Variants in LRP5 observed in about 807,000 individuals in gnomAD.
LRP5 encodes the protein LDL receptor related protein 5.
A neutral mutation model predicts 154.1 loss-of-function variants in LRP5; 62 were observed. The ratio of observed to expected loss-of-function variants is 0.40; its 90% CI spans 0.33 to 0.50. The LOEUF (loss-of-function observed/expected upper bound fraction) is 0.50, where lower values mean the gene tolerates loss of function less well. Among genes scored for constraint, LRP5 ranks in the 20% least tolerant of loss-of-function variants. The pLI is 0.55. For missense variants in LRP5, 1,915 were observed against 2,336.7 expected (o/e 0.82, Z 3.72); for synonymous variants, 966 against 1,011.5 (o/e 0.96, Z 0.85).
rs1480561032 is a variant in LRP5, at chr11:68,447,296, G to A, written c.4586+763G>A. 1 of 153,968 alleles carries A rather than the reference G, an allele frequency of 6.5e-6. No homozygotes were observed. The highest frequency in any genetic ancestry group is 6.4e-5 in the Admixed American group (1 of 15,622). 9.5% of individuals were successfully genotyped at this position (153,968 alleles called of 1,614,324 possible). A position where few individuals can be genotyped will look rare whatever the true frequency, so the allele number is the denominator to read the frequency against. ...CCCACCCCCGCAGGTGAAGGGGTGGGATAGGCTGGGCCTGGGCCAGGACAC... is the reference window on the plus strand; with the variant it reads ...CCCACCCCCGCAGGTGAAGGGGTGGAATAGGCTGGGCCTGGGCCAGGACAC... On this transcript the variant is annotated intron_variant, in intron 22 of 22. Transcript: ENST00000294304. This position sits in a 1 kb window ranked among gnomAD's most constrained non-coding sequence, Gnocchi z 4.3.
chr11:68,319,149 T>C (rs923265411), intron 1 of LRP5, among the ~76,000 whole-genome samples: 1 of 147,648 alleles, frequency 6.8e-6, no homozygotes, highest in Admixed American at 7.0e-5. Context: ...CGATCTCGGC[T>C]CACTGTAACT....
At chr11:68,354,423 A>G (rs1044709465) in intron 2 of LRP5, among the ~76,000 whole-genome samples, 1 of 152,166 alleles carries the variant, frequency 6.6e-6, no homozygotes, top group Non-Finnish European at 1.5e-5. Flanking sequence ...AGCCTTTTCC[A>G]TGGGCCACGG....
Position 68,410,065 on chromosome 11 carries a change from A to G in LRP5, c.2243A>G (p.Asp748Gly). The change falls in exon 10 of 23, where the codon GAC becomes GGC. Residue 748 changes from aspartate to glycine, a missense_variant. By Grantham distance (94) the Asp-to-Gly change is moderately conservative. This residue lies in a region of LRP5 where 773 missense variants were observed against 1,100.9 expected (regional missense o/e 0.70). Transcript: ENST00000294304. The part of the protein sequence containing the change: ...GTNRIEVARL[D>G]GQFRQVLVWR... ...AACAGAATCGAAGTGGCGCGGCTGG[A>G]CGGGCAGTTCCGGCAAGTCCTCGTG... 1 of 1,613,974 alleles carries G rather than the reference A, an allele frequency of 6.2e-7. No individual in the cohort carries two copies. The highest frequency in any genetic ancestry group is 1.7e-5 in the Admixed American group (1 of 60,006).
At chr11:68,366,387 G>A (rs75313361) in intron 5 of LRP5, among the ~76,000 whole-genome samples, 2,314 of 151,986 alleles carry the variant, frequency 0.015, 60 homozygotes, top group African/African-American at 0.052. Flanking sequence ...TCGGTGTGGG[G>A]CCCCCTAGAA....
rs76960840 is a variant in LRP5 at position 68,424,224 on chromosome 11, C to T, written c.3236+527C>T. ...TGAAACTCAGGCTCCAAACTGAGCA[C>T]GGGAACGTTTGGGGACAGGAGCGCG... On this transcript the variant is annotated intron_variant, in intron 14 of 22. Coordinates refer to ENST00000294304, the MANE Select transcript of LRP5 (RefSeq NM_002335.4). Among the ~76,000 whole-genome samples, 1,083 of 152,296 alleles carry T rather than the reference C, an allele frequency of 7.1e-3. 12 individuals carry two copies. Among genetic ancestry groups the T allele is most frequent in the African/African-American group, 0.024 (1,011 of 41,528 alleles).
chr11:68,332,599 T>G (rs2098603512), intron 1 of LRP5, among the ~76,000 whole-genome samples: 1 of 152,184 alleles, frequency 6.6e-6, no homozygotes. Flanking sequence ...ATTCATCAGC[T>G]GGGTGTAGAG....
Position 68,448,939 on chromosome 11 carries a change from T to A in LRP5, c.4717T>A (p.Tyr1573Asn), listed in dbSNP as rs961052812. ...YLDLNSDSDP[Y>N]PPPPTPHSQY... The stretch of plus-strand genomic sequence containing the variant: ...GGATTTGAACTCGGACTCAGACCCC[T>A]ATCCACCCCCACCCACGCCCCACAG... The change falls in exon 23 of 23, where the codon TAT (tyrosine) becomes AAT (asparagine). Residue 1573 changes from tyrosine to asparagine, a missense_variant. Tyr to Asn is a moderately radical substitution (Grantham distance 143). This residue lies in a region of LRP5 where 1,094 missense variants were observed against 1,210.1 expected (regional missense o/e 0.90). Coordinates refer to ENST00000294304, the MANE Select transcript of LRP5 (RefSeq NM_002335.4). 2 of 1,613,208 alleles carry A rather than the reference T, an allele frequency of 1.2e-6. No individual in the cohort carries two copies. The highest frequency in any genetic ancestry group is 1.7e-6 in the Non-Finnish European group (2 of 1,179,900).
At chr11:68,443,581 ATATATTTTTTT>A (rs1234879484) in intron 21 of LRP5, among the ~76,000 whole-genome samples, 7 of 36,812 alleles carry the variant, frequency 1.9e-4, no homozygotes, top group Admixed American at 3.6e-4. Flanking sequence ...ATATATATAT[ATATATTTTTTT>A]TTTTTTTGGT....
intron 13 of LRP5, among the ~76,000 whole-genome samples, chr11:68,418,393 C>A (rs967767493): frequency 2.0e-5 from 3 of 151,240 alleles, no homozygotes; most frequent in Admixed American, 1.3e-4. Flanking sequence ...CAGAGCGAGA[C>A]GCCATCTCAA....
intron 16 of LRP5, among the ~76,000 whole-genome samples, chr11:68,429,365 T>C (rs2098670690): frequency 6.6e-6 from 1 of 152,194 alleles, no homozygotes. Context: ...TCTGTAATTG[T>C]TTCCGGCATC....
At chr11:68,345,789 G>T (rs2098612409) in intron 1 of LRP5, among the ~76,000 whole-genome samples, 1 of 152,186 alleles carries the variant, frequency 6.6e-6, no homozygotes. Flanking sequence ...TTTGCCAGTG[G>T]TGCACAAGGG....
At chr11:68,302,345 C>CAAAA in the LRP5 span, among the ~76,000 whole-genome samples, 4 of 84,436 alleles carry the variant, frequency 4.7e-5, no homozygotes, top group African/African-American at 1.5e-4. Flanking sequence ...GACTCCATCT[C>CAAAA]AAAAAAAAAA....
intron 21 of LRP5, 37 bp from the exon 22 acceptor site, chr11:68,446,399 G>A: frequency 7.1e-7 from 1 of 1,401,236 alleles, no homozygotes. Context: ...GCCCAGGCTG[G>A]CGAGGCTCTA....
At chr11:68,384,474 G>T (rs1318761944) in intron 5 of LRP5, among the ~76,000 whole-genome samples, 1 of 152,150 alleles carries the variant, frequency 6.6e-6, no homozygotes, top group Non-Finnish European at 1.5e-5. Context: ...TCTTGGCTCT[G>T]TGCATCCTTG....
chr11:68,397,063 A>C (rs1233018042), intron 7 of LRP5, among the ~76,000 whole-genome samples: 1 of 151,962 alleles, frequency 6.6e-6, no homozygotes, highest in African/African-American at 2.4e-5. Flanking sequence ...CTGAGTCTAG[A>C]GCCCCGGGGG....
chr11:68,436,464 C>T (rs757449137), intron 18 of LRP5, among the ~76,000 whole-genome samples: 4 of 152,184 alleles, frequency 2.6e-5, no homozygotes, highest in Non-Finnish European at 4.4e-5. Context: ...CCCTCCCCTC[C>T]CCTCAAGCTC....
At chr11:68,332,605 T>A (rs544223604) in intron 1 of LRP5, among the ~76,000 whole-genome samples, 1 of 152,184 alleles carries the variant, frequency 6.6e-6, no homozygotes, top group African/African-American at 2.4e-5. Context: ...CAGCTGGGTG[T>A]AGAGACCAGG....
At chr11:68,384,897 C>T (rs2098642163) in intron 5 of LRP5, among the ~76,000 whole-genome samples, 3 of 152,272 alleles carry the variant, frequency 2.0e-5, no homozygotes, top group South Asian at 4.1e-4. Flanking sequence ...TGGGCCTGAG[C>T]GGCGGGACCC....
chr11:68,328,796 G>A (rs2098601149), intron 1 of LRP5, among the ~76,000 whole-genome samples: 2 of 152,196 alleles, frequency 1.3e-5, no homozygotes, highest in South Asian at 2.1e-4. Context: ...AGTCGAACTT[G>A]CCCTTTTCCT....
Sources: gnomAD v4.1 joint callset for allele counts (sites outside exome capture counted in the v4.1 genomes callset) on GRCh38, gnomAD v4.1.1 for gene constraint, gnomAD v4.1.1 regional missense constraint, Gnocchi (gnomAD v3.1) non-coding constraint, MANE v1.5 for transcripts, NCBI Gene and HGNC (gene_info 2026-07-23, HGNC 2026-07-21) for gene names.